The following GABRA5 variants were observed in gnomAD, a reference collection of about 807,000 sequenced individuals.
The protein encoded by GABRA5 is gamma-aminobutyric acid receptor subunit alpha-5.
GABRA5 carries 18 observed loss-of-function variants against 47.3 expected under a neutral mutation model. The ratio of observed to expected loss-of-function variants is 0.38; its 90% CI spans 0.26 to 0.56. GABRA5 has a LOEUF of 0.56. Among genes scored for constraint, GABRA5 ranks in the 20% least tolerant of loss-of-function variants. The pLI, the probability that GABRA5 is intolerant of heterozygous loss-of-function variation, is 0.71. For missense variants in GABRA5, 365 were observed against 599.3 expected, an observed-to-expected ratio of 0.61 and a Z score of 4.08; for synonymous variants, 237 against 229.3, an observed-to-expected ratio of 1.03 and a Z score of -0.30.
At chr15:26,914,147 A>C (rs1893666298) in intron 6 of GABRA5, among the ~76,000 whole-genome samples, 1 of 152,148 alleles carries the variant, frequency 6.6e-6, no homozygotes, top group Non-Finnish European at 1.5e-5. Context: ...TATAATTTGG[A>C]AGACTAGGCC....
At chr15:26,889,029 G>A (rs1381266516) in intron 6 of GABRA5, among the ~76,000 whole-genome samples, 3 of 152,244 alleles carry the variant, frequency 2.0e-5, no homozygotes, top group Non-Finnish European at 4.4e-5. Context: ...AAACATTGTA[G>A]AATGTTGACA....
chr15:26,923,503 C>T (rs1042171549), intron 7 of GABRA5, among the ~76,000 whole-genome samples: 1 of 119,828 alleles, frequency 8.3e-6, no homozygotes, highest in Non-Finnish European at 1.7e-5. Context: ...GTCTTGTTAC[C>T]TTAAAGACTT....
chr15:26,878,288 C>T (rs897875483), intron 3 of GABRA5, among the ~76,000 whole-genome samples: 1 of 152,194 alleles, frequency 6.6e-6, no homozygotes, highest in Admixed American at 6.5e-5. Flanking sequence ...TTGATAGAGG[C>T]GCTAGCCAGT....
chr15:26,920,620 G>T (rs1893821214), intron 7 of GABRA5, among the ~76,000 whole-genome samples: 1 of 151,918 alleles, frequency 6.6e-6, no homozygotes, highest in Admixed American at 6.6e-5. Flanking sequence ...TCATTTTATG[G>T]AACATATATC....
chr15:26,869,549 A>T (rs1452265960), intron 3 of GABRA5, among the ~76,000 whole-genome samples: 1 of 152,254 alleles, frequency 6.6e-6, no homozygotes, highest in Non-Finnish European at 1.5e-5. Flanking sequence ...GAAGTGAGTC[A>T]GAGAAAAAAA....
intron 9 of GABRA5, among the ~76,000 whole-genome samples, chr15:26,942,224 C>T (rs544326278): frequency 2.5e-4 from 38 of 152,346 alleles, no homozygotes; most frequent in African/African-American, 8.9e-4. Context: ...CAGAGTGCAG[C>T]TTAGACGAGA....
chr15:26,899,831 A>G (rs1893284508), intron 6 of GABRA5, among the ~76,000 whole-genome samples: 1 of 152,136 alleles, frequency 6.6e-6, no homozygotes. Context: ...TTATATATCT[A>G]TATCGATTCT....
intron 10 of GABRA5, among the ~76,000 whole-genome samples, 193 bp from the exon 11 acceptor site, chr15:26,947,741 C>A (rs944351892): frequency 6.6e-6 from 1 of 152,096 alleles, no homozygotes; most frequent in Admixed American, 6.6e-5. Context: ...TATGGGATTG[C>A]CAGACTTTAA....
chr15:26,910,530 G>A (rs1176663309), intron 6 of GABRA5, among the ~76,000 whole-genome samples: 7 of 151,700 alleles, frequency 4.6e-5, no homozygotes, highest in African/African-American at 1.7e-4. Flanking sequence ...AACCTGGGAG[G>A]TGGAGGTTGC....
At chr15:26,945,220 A>G (rs1414166411) in intron 10 of GABRA5, among the ~76,000 whole-genome samples, 3 of 152,172 alleles carry the variant, frequency 2.0e-5, no homozygotes, top group Admixed American at 6.5e-5. Context: ...GCTGGAAGCC[A>G]TGGTGCATCT....
chr15:26,931,733 A>T (rs1311401333), intron 7 of GABRA5, among the ~76,000 whole-genome samples: 1 of 152,184 alleles, frequency 6.6e-6, no homozygotes, highest in Non-Finnish European at 1.5e-5. Context: ...CTTTGAGCTG[A>T]ATCTGGTAGG....
intron 7 of GABRA5, among the ~76,000 whole-genome samples, chr15:26,930,895 C>CTTTTTTTTTTTTTTTTTTTTTTTTT (rs555799476): frequency 2.6e-5 from 3 of 115,036 alleles, no homozygotes; most frequent in Non-Finnish European, 5.3e-5. Context: ...TCTTTCTTTT[C>CTTTTTTTTTTTTTTTTTTTTTTTTT]TTTTTTTTTT....
chr15:26,937,033 G>C (rs1481716819), intron 7 of GABRA5, among the ~76,000 whole-genome samples, 152 bp from the exon 8 acceptor site: 1 of 152,154 alleles, frequency 6.6e-6, no homozygotes, highest in East Asian at 1.9e-4. Context: ...CGTCTGCCCT[G>C]GTCCAACCAC....
chr15:26,907,852 C>G (rs1212356452), intron 6 of GABRA5, among the ~76,000 whole-genome samples: 1 of 152,130 alleles, frequency 6.6e-6, no homozygotes, highest in Non-Finnish European at 1.5e-5. Flanking sequence ...TCAAGCAGTG[C>G]CTAACTACAG....
chr15:26,870,791 G>C (rs1283865867), intron 3 of GABRA5, among the ~76,000 whole-genome samples: 1 of 152,208 alleles, frequency 6.6e-6, no homozygotes, highest in Non-Finnish European at 1.5e-5. Context: ...ATTCAAATTT[G>C]TCATCTAATG....
intron 3 of GABRA5, among the ~76,000 whole-genome samples, chr15:26,870,835 A>G (rs1389345000): frequency 6.6e-6 from 1 of 152,186 alleles, no homozygotes; most frequent in Non-Finnish European, 1.5e-5. Flanking sequence ...TATACCGCAT[A>G]TATTTGGTAG....
chr15:26,911,390 C>CACACACAA (rs781387485), intron 6 of GABRA5, among the ~76,000 whole-genome samples: 3 of 147,214 alleles, frequency 2.0e-5, no homozygotes, highest in East Asian at 2.0e-4. Context: ...CACACACACA[C>CACACACAA]ACACACAAAC....
chr15:26,880,353 C>T (rs1357304087), intron 3 of GABRA5, among the ~76,000 whole-genome samples: 1 of 152,134 alleles, frequency 6.6e-6, no homozygotes, highest in Non-Finnish European at 1.5e-5. Context: ...AGCACAAATG[C>T]TCCCAGACCA....
rs972471899 is a variant in GABRA5 at position 26,948,741 on chromosome 15, C to T, written c.*508C>T. On this transcript the variant is annotated 3_prime_UTR_variant, in exon 11 of 11. Coordinates refer to ENST00000335625, the MANE Select transcript of GABRA5 (RefSeq NM_000810.4). ...AATGAATTGCCTTTGATAATTCTTA[C>T]TGTTCTGAAATTAGGAAAGTACTGC... 3.2e-5 allele frequency: 5 copies of T among 156,556 alleles called. No individual in the cohort carries two copies. Among genetic ancestry groups the T allele is most frequent in the African/African-American group, 9.6e-5 (4 of 41,456 alleles). 9.7% of individuals were successfully genotyped at this position (156,556 alleles called of 1,614,324 possible).
Sources: gnomAD v4.1 joint callset for allele counts (sites outside exome capture counted in the v4.1 genomes callset) on GRCh38, gnomAD v4.1.1 for gene constraint, MANE v1.5 for transcripts, NCBI Gene and HGNC (gene_info 2026-07-23, HGNC 2026-07-21) for gene names.